The following MIEF1 variants were observed in gnomAD, a reference collection of about 807,000 sequenced individuals.
MIEF1 encodes the protein mitochondrial dynamics protein MIEF1.
In MIEF1, 14 loss-of-function variants were observed where a neutral mutation model predicts 35.1. The observed-to-expected ratio is 0.40, with a 90% confidence interval of 0.26 to 0.62. MIEF1 has a LOEUF of 0.62. Among genes scored for constraint, MIEF1 ranks in the 20% least tolerant of loss-of-function variants. The probability of loss-of-function intolerance (pLI) is 0.43; values close to 1 mark genes in which losing one functional copy is unlikely to be tolerated. For missense variants in MIEF1, 542 were observed against 615.4 expected (o/e 0.88, Z 1.26); for synonymous variants, 245 against 254.3 (o/e 0.96, Z 0.35).
At chr22:39,512,649 A>G (rs969595876) in intron 5 of MIEF1, among the ~76,000 whole-genome samples, 155 bp downstream of exon 5, 1 of 151,718 alleles carries the variant, frequency 6.6e-6, no homozygotes, top group Admixed American at 6.6e-5. Context: ...CATGCTTGTT[A>G]TTCTTTTTTT....
In MIEF1 at chr22:39,502,374, G is replaced by A. The variant is rs1288488892; in HGVS notation, c.-403G>A. 6.6e-6 allele frequency: 1 copy of A among 152,376 alleles called. No homozygotes were observed. The highest frequency in any genetic ancestry group is 1.5e-5 in the Non-Finnish European group (1 of 68,154). 9.4% of individuals were successfully genotyped at this position (152,376 alleles called of 1,614,324 possible). A position where few individuals can be genotyped will look rare whatever the true frequency, so the allele number is the denominator to read the frequency against. ...AAGTGAAGGGGCCATGTTGATGGGT[G>A]ACCCGGGGAGAGGTACCCGGCCAGA... is the stretch of plus-strand genomic sequence containing the variant. On this transcript the variant is annotated 5_prime_UTR_variant, in exon 1 of 6. Transcript: ENST00000325301.
chr22:39,511,901 C>G lies in MIEF1; in HGVS notation c.197C>G (p.Ser66Trp), dbSNP rs200727999. The G allele has an allele frequency of 5.0e-6, 8 of 1,614,070 alleles. No individual in the cohort carries two copies. The African/African-American group carries it at 6.7e-5, about 13-fold the overall frequency. ...ACCAGCCCCACCCGCCTGAGCCATT[C>G]GGGGAAAAGGAGCTGGGAAGAACCC... is the stretch of plus-strand genomic sequence containing the variant. ...APTSPTRLSH[S>W]GKRSWEEPNW... Residue 66 changes from serine (S) to tryptophan (W), a missense_variant, in exon 4 of 6, where the codon TCG becomes TGG. By Grantham distance (177) the Ser-to-Trp change is radical. Transcript: ENST00000325301.
rs149733411 is a variant in MIEF1, at chr22:39,512,119, G to A, written c.322+93G>A. The A allele has an allele frequency of 1.3e-5, 21 of 1,557,942 alleles. No homozygotes were observed. In the African/African-American group the frequency reaches 2.3e-4, roughly 17 times the overall value. ...TGTTTCCTGAGCACATCTGTGCCAG[G>A]CACTGTGCCAGCACTTGCCCTCCAT... On this transcript the variant is annotated intron_variant, in intron 4 of 5. Transcript: ENST00000325301.
At position 39,512,290 on chromosome 22, in the gene MIEF1, G is replaced by GC; in HGVS notation, c.381_382insC (p.Lys128GlnfsTer51). On this transcript the variant is annotated frameshift_variant, in exon 5 of 6. Coordinates refer to ENST00000325301, the MANE Select transcript of MIEF1 (RefSeq NM_019008.6). LOFTEE classifies it high-confidence loss of function. ...CCAGGAAGGGCCAGGTAGACTTGAA[G>GC]AAGTCACGACTCCGCATGTCCCTGC... The GC allele has an allele frequency of 6.2e-6, 10 of 1,614,102 alleles. No homozygotes were observed. The highest frequency in any genetic ancestry group is 8.5e-6 in the Non-Finnish European group (10 of 1,179,992).
At chr22:39,510,148 G>T (rs57491702) in intron 2 of MIEF1, among the ~76,000 whole-genome samples, 1,972 of 152,256 alleles carry the variant, frequency 0.013, 43 homozygotes, top group African/African-American at 0.045. Context: ...AGTAGTGACG[G>T]GGTTTCTCCA....
At chr22:39,508,457 T>TCTCCCTATTGTAAATATTTC in intron 2 of MIEF1, among the ~76,000 whole-genome samples, 1 of 152,212 alleles carries the variant, frequency 6.6e-6, no homozygotes, top group African/African-American at 2.4e-5. Context: ...GTCCAGTGGC[T>TCTCCCTATTGTAAATATTTC]CTCCCTATTG....
chr22:39,501,199 C>T (rs1217970533), upstream of MIEF1, among the ~76,000 whole-genome samples: 1 of 152,184 alleles, frequency 6.6e-6, no homozygotes, highest in Admixed American at 6.5e-5. Flanking sequence ...CTCCTGCTCA[C>T]TCAGCTGCGA....
intron 2 of MIEF1, among the ~76,000 whole-genome samples, chr22:39,509,869 C>T (rs1435161997): frequency 2.0e-5 from 3 of 152,042 alleles, no homozygotes; most frequent in South Asian, 2.1e-4. Flanking sequence ...GAATAAGGGC[C>T]GATTTGATTT....
chr22:39,504,919 G>T (rs1929940897), intron 2 of MIEF1, among the ~76,000 whole-genome samples: 1 of 152,198 alleles, frequency 6.6e-6, no homozygotes, highest in Non-Finnish European at 1.5e-5. Flanking sequence ...GGTTGGCCCG[G>T]TGCGGTGGCT....
In MIEF1 at chr22:39,517,461, CTG is replaced by C. The variant is rs1930735219; in HGVS notation, c.*3141_*3142del. 7 of 458,660 alleles carry C rather than the reference CTG, an allele frequency of 1.5e-5. No individual in the cohort carries two copies. Among genetic ancestry groups the C allele is most frequent in the Non-Finnish European group, 3.2e-5 (7 of 220,320 alleles). 28.4% of individuals were successfully genotyped at this position (458,660 alleles called of 1,614,324 possible). A position where few individuals can be genotyped will look rare whatever the true frequency, so the allele number is the denominator to read the frequency against. ...CCTGTCCATATTCCACATTTGCTGA[CTG>C]TGCTCCCTGCACTCCACTCAAGTTG... On this transcript the variant is annotated 3_prime_UTR_variant, in exon 6 of 6. Transcript: ENST00000325301.
chr22:39,506,333 G>A (rs1399762432), intron 2 of MIEF1, among the ~76,000 whole-genome samples: 1 of 152,140 alleles, frequency 6.6e-6, no homozygotes, highest in Non-Finnish European at 1.5e-5. Context: ...ATGGGAACAA[G>A]GTGTGGAGCA....
chr22:39,511,814 C>T, intron 3 of MIEF1, 35 bp from the exon 4 acceptor site: 1 of 1,571,632 alleles, frequency 6.4e-7, no homozygotes, highest in East Asian at 2.3e-5. Flanking sequence ...GGAAAGAGGG[C>T]AGGTTTATGT....
rs915619826 is a variant in MIEF1, at chr22:39,517,536, C to T, written c.*3213C>T. ...GGAATCAGCTTCAGGATGGAAGGAC[C>T]CAGGAGAGGCCCCGAGGTGGGAGGG... On this transcript the variant is annotated 3_prime_UTR_variant, in exon 6 of 6. Coordinates refer to ENST00000325301, the MANE Select transcript of MIEF1 (RefSeq NM_019008.6). 2 of 470,954 alleles carry T rather than the reference C, an allele frequency of 4.2e-6. No homozygotes were observed. Among genetic ancestry groups the T allele is most frequent in the African/African-American group, 4.0e-5 (2 of 50,022 alleles). The allele number at this position is 470,954 out of a possible 1,614,324, so 29.2% of individuals were successfully genotyped here.
intron 2 of MIEF1, among the ~76,000 whole-genome samples, chr22:39,507,480 C>T (rs544102943): frequency 7.3e-4 from 111 of 151,884 alleles, no homozygotes; most frequent in African/African-American, 2.3e-3. Context: ...CTCCTGACCT[C>T]GTGATCTGCC....
In MIEF1 at chr22:39,514,601, A is replaced by G. The variant is rs1282265141; in HGVS notation, c.*278A>G. ...ATTGAGAAGGTGGCGTGCTGGCCTG[A>G]GCTGATGGACCACTTGGTGTTTTGC... On this transcript the variant is annotated 3_prime_UTR_variant, in exon 6 of 6. Transcript: ENST00000325301. 2.1e-6 allele frequency: 1 copy of G among 479,016 alleles called. No homozygotes were observed. The highest frequency in any genetic ancestry group is 3.8e-6 in the Non-Finnish European group (1 of 265,582). 29.7% of individuals were successfully genotyped at this position (479,016 alleles called of 1,614,324 possible).
chr22:39,507,020 G>T (rs946183137), intron 2 of MIEF1, among the ~76,000 whole-genome samples: 10 of 152,176 alleles, frequency 6.6e-5, no homozygotes, highest in African/African-American at 2.4e-4. Context: ...ATTGGAGGTG[G>T]AGTTCTTACC....
In MIEF1 at chr22:39,513,725, C is replaced by A; in HGVS notation, c.794C>A (p.Thr265Lys). The A allele has an allele frequency of 6.2e-7, 1 of 1,614,188 alleles. No homozygotes were observed. Among genetic ancestry groups the A allele is most frequent in the East Asian group, 2.2e-5 (1 of 44,884 alleles). Residue 265 changes from threonine (T) to lysine (K), a missense_variant, in exon 6 of 6, where the codon ACA (threonine) becomes AAA (lysine). Physicochemically the swap from Thr to Lys is moderately conservative, Grantham distance 78 (BLOSUM62 -1). Transcript: ENST00000325301. The part of the protein sequence containing the change: ...GYLSPKTVAD[T>K]FEKVVAGSIN... ...CTCTCTCCAAAGACAGTCGCAGATA[C>A]ATTTGAGAAGGTAGTGGCTGGCTCC...
At chr22:39,505,213 G>A (rs1929955951) in intron 2 of MIEF1, among the ~76,000 whole-genome samples, 1 of 152,054 alleles carries the variant, frequency 6.6e-6, no homozygotes, top group Admixed American at 6.5e-5. Flanking sequence ...AAGAGACGGG[G>A]TCTCGCTCTC....
At chr22:39,505,413 A>G (rs2056174747) in intron 2 of MIEF1, among the ~76,000 whole-genome samples, 1 of 152,070 alleles carries the variant, frequency 6.6e-6, no homozygotes, top group South Asian at 2.1e-4. Flanking sequence ...GCTGCTTTCA[A>G]ACTCTTAGCC....
Sources: gnomAD v4.1 joint callset for allele counts (sites outside exome capture counted in the v4.1 genomes callset) on GRCh38, gnomAD v4.1.1 for gene constraint, MANE v1.5 for transcripts, NCBI Gene and HGNC (gene_info 2026-07-23, HGNC 2026-07-21) for gene names.